Variants in DENND1A observed in about 807,000 individuals in gnomAD.
DENND1A encodes DENN domain containing 1A, also known as DENN domain-containing protein 1A.
DENND1A carries 51 observed loss-of-function variants against 113.7 expected under a neutral mutation model. The ratio of observed to expected loss-of-function variants is 0.45; its 90% CI spans 0.36 to 0.57. The LOEUF (loss-of-function observed/expected upper bound fraction) is 0.57, where lower values mean the gene tolerates loss of function less well. DENND1A is among the 20% of genes least tolerant of loss of function. The pLI, the probability that DENND1A is intolerant of heterozygous loss-of-function variation, is 0.00. For synonymous variants in DENND1A, 565 were observed against 570.8 expected (o/e 0.99, Z 0.14); for missense variants, 1,258 against 1,395.9 (o/e 0.90, Z 1.57).
At chr9:123,500,942 A>C (rs2052425448) in intron 13 of DENND1A, among the ~76,000 whole-genome samples, 1 of 152,252 alleles carries the variant, frequency 6.6e-6, no homozygotes, top group Admixed American at 6.5e-5. Flanking sequence ...TAAGATACAT[A>C]TAGCATAAAA....
chr9:123,903,664 C>T (rs1042571015), intron 1 of DENND1A, among the ~76,000 whole-genome samples: 26 of 152,140 alleles, frequency 1.7e-4, no homozygotes, highest in South Asian at 2.1e-4. Flanking sequence ...CTTTTCGGAC[C>T]GGCTTAAAAA....
intron 1 of DENND1A, among the ~76,000 whole-genome samples, chr9:123,900,669 T>G (rs1851477194): frequency 6.6e-6 from 1 of 152,216 alleles, no homozygotes; most frequent in African/African-American, 2.4e-5. Context: ...TGGGCTCCAG[T>G]TGCAGCTCCA....
chr9:123,502,500 C>T (rs1316174843), intron 13 of DENND1A, among the ~76,000 whole-genome samples: 1 of 152,112 alleles, frequency 6.6e-6, no homozygotes, highest in Non-Finnish European at 1.5e-5. Flanking sequence ...AATATCGAGT[C>T]AGGTCTTTTG....
intron 21 of DENND1A, chr9:123,401,640 A>G (rs540292052): frequency 5.1e-4 from 740 of 1,446,598 alleles, no homozygotes; most frequent in Non-Finnish European, 6.5e-4. Context: ...CAACAGAAGT[A>G]GAAAACAGGG....
At chr9:123,873,291 T>C (rs1251175323) in intron 2 of DENND1A, among the ~76,000 whole-genome samples, 2 of 152,204 alleles carry the variant, frequency 1.3e-5, no homozygotes, top group African/African-American at 4.8e-5. Flanking sequence ...ATTTGTACAA[T>C]CTTTGGAAAG....
chr9:123,457,012 T>A, intron 15 of DENND1A: 1 of 223,360 alleles, frequency 4.5e-6, no homozygotes. Flanking sequence ...TCAACCAGGG[T>A]CTTGCAGCTT....
intron 9 of DENND1A, among the ~76,000 whole-genome samples, chr9:123,638,754 C>T (rs2061852630): frequency 6.6e-6 from 1 of 151,910 alleles, no homozygotes; most frequent in Admixed American, 6.6e-5. Flanking sequence ...AGCTACCATG[C>T]CCAGCCTCAC....
At chr9:123,614,442 C>T (rs2060552125) in intron 10 of DENND1A, among the ~76,000 whole-genome samples, 1 of 152,204 alleles carries the variant, frequency 6.6e-6, no homozygotes, top group Non-Finnish European at 1.5e-5. Flanking sequence ...TACTAACGAT[C>T]CTGTAGTCCT....
At chr9:123,537,409 G>A (rs1294391318) in intron 13 of DENND1A, among the ~76,000 whole-genome samples, 1 of 151,666 alleles carries the variant, frequency 6.6e-6, no homozygotes, top group African/African-American at 2.4e-5. Flanking sequence ...GAAATAAAGA[G>A]ATAAAAGAGA....
At chr9:123,827,801 C>A (rs1839589965) in intron 2 of DENND1A, among the ~76,000 whole-genome samples, 1 of 152,014 alleles carries the variant, frequency 6.6e-6, no homozygotes, top group African/African-American at 2.4e-5. Flanking sequence ...AGAGACTAAG[C>A]CCATCTTCAA....
At chr9:123,670,507 C>A (rs2063713070) in intron 7 of DENND1A, among the ~76,000 whole-genome samples, 1 of 152,130 alleles carries the variant, frequency 6.6e-6, no homozygotes, top group Non-Finnish European at 1.5e-5. Context: ...GTTAAAGGTC[C>A]TGATTAAGAT....
chr9:123,822,621 T>A (rs1400803079), intron 2 of DENND1A, among the ~76,000 whole-genome samples: 2 of 152,228 alleles, frequency 1.3e-5, no homozygotes, highest in African/African-American at 4.8e-5. Flanking sequence ...AAAGGCTACA[T>A]GACACTGAGC....
intron 19 of DENND1A, among the ~76,000 whole-genome samples, chr9:123,417,885 TG>T (rs113918463): frequency 0.049 from 6,589 of 133,802 alleles, 309 homozygotes; most frequent in African/African-American, 0.13. Context: ...TGCCATAGAT[TG>T]GGGGGGGGGC....
chr9:123,845,034 C>G (rs1842380619), intron 2 of DENND1A, among the ~76,000 whole-genome samples: 1 of 151,926 alleles, frequency 6.6e-6, no homozygotes, highest in South Asian at 2.1e-4. Flanking sequence ...GGCTGGCCAA[C>G]ATGGCGAAAC....
At chr9:123,891,652 C>T (rs1401574021) in intron 1 of DENND1A, among the ~76,000 whole-genome samples, 2 of 152,082 alleles carry the variant, frequency 1.3e-5, no homozygotes, top group African/African-American at 2.4e-5. Flanking sequence ...TAAAATCGTA[C>T]TAAATCAGAT....
intron 5 of DENND1A, among the ~76,000 whole-genome samples, chr9:123,704,586 A>G (rs540354216): frequency 6.6e-6 from 1 of 152,328 alleles, no homozygotes; most frequent in African/African-American, 2.4e-5. Context: ...AAATATAAAT[A>G]TACTCTAGAG....
intron 5 of DENND1A, among the ~76,000 whole-genome samples, chr9:123,737,407 C>T (rs781553933): frequency 1.7e-4 from 26 of 152,048 alleles, no homozygotes; most frequent in Non-Finnish European, 2.1e-4. Flanking sequence ...AGGCTGTTCT[C>T]GAACTCCTGG....
intron 13 of DENND1A, among the ~76,000 whole-genome samples, chr9:123,528,171 C>T (rs529216807): frequency 2.0e-5 from 3 of 152,320 alleles, no homozygotes; most frequent in South Asian, 4.2e-4. Flanking sequence ...GAGTCATGAA[C>T]TCAATATCAA....
chr9:123,612,557 T>G (rs993884713), intron 10 of DENND1A, among the ~76,000 whole-genome samples: 1 of 152,250 alleles, frequency 6.6e-6, no homozygotes, highest in African/African-American at 2.4e-5. Flanking sequence ...ATTGGCTACA[T>G]GAACATTTCC....
Sources: allele counts gnomAD v4.1 joint callset (sites outside exome capture counted in the v4.1 genomes callset), GRCh38; gene constraint gnomAD v4.1.1; transcripts MANE v1.5; gene names NCBI Gene and HGNC (gene_info 2026-07-23, HGNC 2026-07-21).